TMEM163: variants seen among roughly 807,000 people sequenced by gnomAD.
TMEM163 encodes the protein transmembrane protein 163.
In TMEM163, 17 loss-of-function variants were observed where a neutral mutation model predicts 29.3. The observed-to-expected ratio is 0.58, with a 90% confidence interval of 0.40 to 0.87. The LOEUF (loss-of-function observed/expected upper bound fraction) is 0.87, where lower values mean the gene tolerates loss of function less well. TMEM163 is among the 40% of genes least tolerant of loss of function. The pLI is 0.00. For missense variants in TMEM163, 303 were observed against 381.5 expected (o/e 0.79, Z 1.71); for synonymous variants, 157 against 160.6 (o/e 0.98, Z 0.17).
At chr2:134,482,062 T>A (rs1679204551) in intron 5 of TMEM163, among the ~76,000 whole-genome samples, 1 of 152,186 alleles carries the variant, frequency 6.6e-6, no homozygotes, top group African/African-American at 2.4e-5. Flanking sequence ...TTAATTCTCA[T>A]CTTCAAAGAA....
Position 134,718,963 on chromosome 2 carries a change from G to T in TMEM163, c.-28C>A, listed in dbSNP as rs1559004333. ...CGCGGGGCTGCGGATCCCGGCGGCG[G>T]CGACGACAAGCGCGGCGGGGACTCG... On this transcript the variant is annotated 5_prime_UTR_variant, in exon 1 of 8. Coordinates refer to ENST00000281924, the MANE Select transcript of TMEM163 (RefSeq NM_030923.5). 1.4e-5 allele frequency: 14 copies of T among 1,025,966 alleles called. 1 individual carries two copies. In the South Asian group the frequency reaches 5.8e-4, roughly 42 times the overall value. 63.6% of individuals were successfully genotyped at this position (1,025,966 alleles called of 1,614,324 possible).
chr2:134,709,831 A>G (rs921469582), intron 2 of TMEM163, among the ~76,000 whole-genome samples: 1 of 152,206 alleles, frequency 6.6e-6, no homozygotes, highest in African/African-American at 2.4e-5. Flanking sequence ...GTCTGATAAG[A>G]AACATTTGCA....
At chr2:134,651,473 A>T (rs1683477860) in intron 2 of TMEM163, among the ~76,000 whole-genome samples, 1 of 100,852 alleles carries the variant, frequency 9.9e-6, no homozygotes, top group Non-Finnish European at 1.8e-5. Context: ...GGTTGCGAAA[A>T]TTTTCTCCCA....
At chr2:134,611,691 T>C (rs547872697) in intron 2 of TMEM163, among the ~76,000 whole-genome samples, 10 of 152,206 alleles carry the variant, frequency 6.6e-5, no homozygotes, top group African/African-American at 2.4e-4. Flanking sequence ...CTCAACCCAT[T>C]TAACACATTT....
intron 4 of TMEM163, among the ~76,000 whole-genome samples, chr2:134,544,051 C>T (rs1680730233): frequency 6.6e-6 from 1 of 152,182 alleles, no homozygotes; most frequent in African/African-American, 2.4e-5. Flanking sequence ...GCCCAGGAGA[C>T]AGCTGGGCCT....
rs149913291 is a variant in TMEM163, at chr2:134,482,523, A to T, written c.556-16298T>A. ...CAAATTCAAGCCATCCTGACACTAC[A>T]TGTGTTAGAGTATTACCCAGGGAAA... On this transcript the variant is annotated intron_variant, in intron 5 of 7. Transcript: ENST00000281924. 1.1e-4 allele frequency among the ~76,000 whole-genome samples: 16 copies of T among 152,300 alleles called. 2 individuals are homozygous for T. The highest frequency in any genetic ancestry group is 3.8e-4 in the African/African-American group (16 of 41,560).
At chr2:134,620,257 CTT>C (rs373805175) in intron 2 of TMEM163, among the ~76,000 whole-genome samples, 32 of 137,930 alleles carry the variant, frequency 2.3e-4, no homozygotes, top group Middle Eastern at 7.6e-3. Flanking sequence ...TATCTAATTT[CTT>C]TTTTTTTTTT....
chr2:134,546,337 C>T (rs1287882714), intron 4 of TMEM163, among the ~76,000 whole-genome samples: 1 of 152,126 alleles, frequency 6.6e-6, no homozygotes, highest in Admixed American at 6.6e-5. Context: ...CATATATTTA[C>T]AATAGAATAT....
chr2:134,639,792 A>C (rs892483155), intron 2 of TMEM163, among the ~76,000 whole-genome samples: 1 of 152,224 alleles, frequency 6.6e-6, no homozygotes, highest in African/African-American at 2.4e-5. Context: ...TGAAATTAAA[A>C]TATTTTTTCT....
intron 2 of TMEM163, among the ~76,000 whole-genome samples, chr2:134,667,133 G>A (rs1043363777): frequency 6.6e-5 from 10 of 152,182 alleles, no homozygotes; most frequent in South Asian, 4.1e-4. Flanking sequence ...GAAATCAAAC[G>A]TGCACCCAGT....
At chr2:134,614,525 C>T (rs1682567154) in intron 2 of TMEM163, among the ~76,000 whole-genome samples, 2 of 152,090 alleles carry the variant, frequency 1.3e-5, no homozygotes, top group Admixed American at 1.3e-4. Context: ...AAAGAATGCT[C>T]AGTAAAAGAT....
chr2:134,456,219 G>GAGAT lies in TMEM163; in HGVS notation c.*493_*496dup, dbSNP rs1299570766. On this transcript the variant is annotated 3_prime_UTR_variant, in exon 8 of 8. Coordinates refer to ENST00000281924, the MANE Select transcript of TMEM163 (RefSeq NM_030923.5). ...GATTAGTAAAACAGTATGAAATAAT[G>GAGAT]AGATACACTGATAGAAATTAGGAAG... The GAGAT allele has an allele frequency of 3.8e-5, 6 of 157,408 alleles. No homozygotes were observed. The highest frequency in any genetic ancestry group is 1.4e-4 in the African/African-American group (6 of 41,496). The allele number at this position is 157,408 out of a possible 1,614,324, so 9.8% of individuals were successfully genotyped here. A position where few individuals can be genotyped will look rare whatever the true frequency, so the allele number is the denominator to read the frequency against.
chr2:134,505,261 T>TTA (rs1574187004), intron 4 of TMEM163, among the ~76,000 whole-genome samples: 1 of 139,594 alleles, frequency 7.2e-6, no homozygotes, highest in East Asian at 2.5e-4. Context: ...TTTTTTTTTT[T>TTA]AAAGTTTCCT....
intron 2 of TMEM163, among the ~76,000 whole-genome samples, chr2:134,662,814 A>G (rs1490204134): frequency 6.6e-6 from 1 of 152,190 alleles, no homozygotes; most frequent in African/African-American, 2.4e-5. Context: ...CCTAATAACC[A>G]AATCATGGTT....
intron 2 of TMEM163, among the ~76,000 whole-genome samples, chr2:134,698,875 A>G (rs558480920): frequency 1.3e-5 from 2 of 152,324 alleles, no homozygotes; most frequent in African/African-American, 2.4e-5. Flanking sequence ...ATTCGCTTGC[A>G]TATGATGGAA....
chr2:134,468,921 C>A (rs1444435400), intron 5 of TMEM163: 1 of 152,236 alleles, frequency 6.6e-6, no homozygotes, highest in Non-Finnish European at 1.5e-5. Context: ...GGGAAACAAA[C>A]ACTTGGATCT....
chr2:134,681,572 AATAGAAGCCTCCGTC>A (rs1684249195), intron 2 of TMEM163, among the ~76,000 whole-genome samples: 1 of 152,024 alleles, frequency 6.6e-6, no homozygotes, highest in Non-Finnish European at 1.5e-5. Context: ...TGCAAACAGG[AATAGAAGCCTCCGTC>A]TGTAAGTCCT....
chr2:134,474,008 AATTTATTTCTG>A (rs1333996281), intron 5 of TMEM163, among the ~76,000 whole-genome samples: 2 of 152,210 alleles, frequency 1.3e-5, no homozygotes, highest in African/African-American at 4.8e-5. Context: ...AACACTTCCC[AATTTATTTCTG>A]AGGCCAGCAT....
At chr2:134,560,517 G>GA (rs1437108199) in intron 2 of TMEM163, among the ~76,000 whole-genome samples, 3 of 152,186 alleles carry the variant, frequency 2.0e-5, no homozygotes, top group Non-Finnish European at 4.4e-5. Context: ...GCCCTTCCCT[G>GA]AGCAAATGAA....
Sources: allele counts gnomAD v4.1 joint callset (sites outside exome capture counted in the v4.1 genomes callset), GRCh38; gene constraint gnomAD v4.1.1; transcripts MANE v1.5; gene names NCBI Gene and HGNC (gene_info 2026-07-23, HGNC 2026-07-21).